Variants in MBTPS1 observed in about 807,000 individuals in gnomAD.
The protein encoded by MBTPS1 is membrane-bound transcription factor site-1 protease.
MBTPS1 carries 94 observed loss-of-function variants against 127.8 expected under a neutral mutation model. The ratio of observed to expected loss-of-function variants is 0.74; its 90% CI spans 0.62 to 0.87. The LOEUF (loss-of-function observed/expected upper bound fraction) is 0.87. Among genes scored for constraint, MBTPS1 ranks in the 40% least tolerant of loss-of-function variants. The pLI is 0.00. For missense variants in MBTPS1, 1,636 were observed against 1,353.2 expected, an observed-to-expected ratio of 1.21 and a Z score of -3.28; for synonymous variants, 632 against 509.4, an observed-to-expected ratio of 1.24 and a Z score of -3.24.
At chr16:84,112,613 G>C (rs1170784616) in intron 1 of MBTPS1, among the ~76,000 whole-genome samples, 1 of 142,666 alleles carries the variant, frequency 7.0e-6, no homozygotes, top group Non-Finnish European at 1.5e-5. Context: ...AGGGAGCTGA[G>C]ATCACGCCAC....
At position 84,099,254 on chromosome 16, in the gene MBTPS1, A is replaced by C. The variant is rs758234394; in HGVS notation, c.220T>G (p.Ser74Ala). Reference sequence around the variant, plus strand: ...ACTTCACTGCTCTTCAGGGCACTTGAAATAAATGAATTTCTAGCTTTGGCT... The same window carrying C: ...ACTTCACTGCTCTTCAGGGCACTTGCAATAAATGAATTTCTAGCTTTGGCT... Reference protein sequence around the residue: ...FTAKARNSFISSALKSSEVDN... With the variant: ...FTAKARNSFIASALKSSEVDN... Residue 74 changes from serine (S) to alanine (A), a missense_variant, in exon 3 of 23, where the codon TCA becomes GCA. Coordinates refer to ENST00000343411, the MANE Select transcript of MBTPS1 (RefSeq NM_003791.4). 1.2e-6 allele frequency: 2 copies of C among 1,614,188 alleles called. No individual in the cohort carries two copies. The highest frequency in any genetic ancestry group is 2.2e-5 in the South Asian group (2 of 91,088).
chr16:84,113,789 T>C (rs1024462774), intron 1 of MBTPS1, among the ~76,000 whole-genome samples: 16 of 152,228 alleles, frequency 1.1e-4, no homozygotes, highest in Admixed American at 9.8e-4. Flanking sequence ...CAAAGGAGAC[T>C]GAATTGTGTT....
intron 1 of MBTPS1, chr16:84,110,656 C>T (rs1009602256): frequency 1.3e-5 from 2 of 152,164 alleles, no homozygotes; most frequent in South Asian, 2.1e-4. Flanking sequence ...CCCAACAACC[C>T]GTTACTACCC....
At chr16:84,076,246 G>A (rs1448497104) in intron 11 of MBTPS1, among the ~76,000 whole-genome samples, 1 of 151,434 alleles carries the variant, frequency 6.6e-6, no homozygotes, top group East Asian at 1.9e-4. Context: ...AAAACGCTCA[G>A]AAAAACAGCA....
chr16:84,096,553 C>A (rs906658415), intron 3 of MBTPS1, among the ~76,000 whole-genome samples: 4 of 152,208 alleles, frequency 2.6e-5, no homozygotes, highest in African/African-American at 9.6e-5. Context: ...TTCCCTTAAC[C>A]TTTCAAAGAC....
chr16:84,070,758 A>C lies in MBTPS1; in HGVS notation c.1612T>G (p.Leu538Val). The change falls in exon 13 of 23, where the codon TTG becomes GTG. Residue 538 changes from leucine (L) to valine (V), a missense_variant. Coordinates refer to ENST00000343411, the MANE Select transcript of MBTPS1 (RefSeq NM_003791.4). Reference protein sequence around the residue: ...IVDKPDWQPYLPQNGDNIEVA... With the variant: ...IVDKPDWQPYVPQNGDNIEVA... ...TCAATGTTGTCTCCGTTCTGTGGCA[A>C]ATAGGGCTGCCAGTCAGGCTGCAGG... The C allele has an allele frequency of 6.2e-7, 1 of 1,610,802 alleles. No homozygotes were observed. Among genetic ancestry groups the C allele is most frequent in the Admixed American group, 1.7e-5 (1 of 59,270 alleles).
chr16:84,090,328 C>G (rs1433716823), intron 8 of MBTPS1, among the ~76,000 whole-genome samples: 1 of 151,626 alleles, frequency 6.6e-6, no homozygotes, highest in East Asian at 1.9e-4. Flanking sequence ...ACAAAGGCCC[C>G]CCTGTGACAC....
At chr16:84,071,053 T>A (rs763330073) in intron 12 of MBTPS1, among the ~76,000 whole-genome samples, 3 of 152,202 alleles carry the variant, frequency 2.0e-5, no homozygotes, top group Admixed American at 6.5e-5. Flanking sequence ...GGAACTTTTG[T>A]CAAAAGTTCT....
At chr16:84,068,993 C>A (rs1049133668) in intron 14 of MBTPS1, among the ~76,000 whole-genome samples, 7 of 152,182 alleles carry the variant, frequency 4.6e-5, no homozygotes, top group African/African-American at 1.7e-4. Flanking sequence ...CCCAGCAGCA[C>A]AGACTCCAGG....
At chr16:84,085,234 A>G in intron 9 of MBTPS1, 100 bp from the exon 10 acceptor site, 1 of 1,195,184 alleles carries the variant, frequency 8.4e-7, no homozygotes, top group Admixed American at 2.1e-5. Context: ...TGGGTTAGTT[A>G]AAAACTGTAT....
chr16:84,083,524 C>G (rs1371087505), intron 10 of MBTPS1, among the ~76,000 whole-genome samples: 2 of 151,968 alleles, frequency 1.3e-5, no homozygotes, highest in African/African-American at 4.8e-5. Context: ...CTACTAGCCT[C>G]AAACAATCCT....
chr16:84,103,907 C>G (rs1361756314), intron 1 of MBTPS1, among the ~76,000 whole-genome samples: 1 of 152,114 alleles, frequency 6.6e-6, no homozygotes, highest in Non-Finnish European at 1.5e-5. Context: ...TCGACAAGAA[C>G]AACAATAACA....
chr16:84,092,753 C>A (rs11149625), intron 6 of MBTPS1, among the ~76,000 whole-genome samples: 35,289 of 152,164 alleles, frequency 0.23, 4,777 homozygotes, highest in East Asian at 0.39. Flanking sequence ...ACTCCCATTA[C>A]CCAACACAAT....
At chr16:84,074,540 C>A in intron 12 of MBTPS1, 57 bp downstream of exon 12, 1 of 1,571,928 alleles carries the variant, frequency 6.4e-7, no homozygotes, top group South Asian at 1.1e-5. Context: ...GCCTAAAGGT[C>A]TGGGCTGTGT....
chr16:84,093,312 G>A lies in MBTPS1; in HGVS notation c.737-15C>T. On this transcript the variant is annotated splice_polypyrimidine_tract_variant and intron_variant, in intron 5 of 22. Transcript: ENST00000343411. ...ATGGCCCAACCCTGCAGTCCATAAA[G>A]AAAACAATCCCATAAAACACACTGA... The A allele has an allele frequency of 6.5e-7, 1 of 1,547,744 alleles. No individual in the cohort carries two copies. The highest frequency in any genetic ancestry group is 2.2e-5 in the East Asian group (1 of 44,612).
chr16:84,087,841 C>T (rs1490301246), intron 8 of MBTPS1, among the ~76,000 whole-genome samples: 4 of 152,216 alleles, frequency 2.6e-5, no homozygotes, highest in African/African-American at 4.8e-5. Flanking sequence ...ATTCTCACAT[C>T]ACTTTCAAAT....
intron 3 of MBTPS1, among the ~76,000 whole-genome samples, chr16:84,097,715 T>C (rs1376410093): frequency 6.6e-6 from 1 of 152,220 alleles, no homozygotes; most frequent in Non-Finnish European, 1.5e-5. Flanking sequence ...CTGGATTATT[T>C]TGAAGTGTTA....
At chr16:84,080,807 A>C (rs1013374308) in intron 11 of MBTPS1, among the ~76,000 whole-genome samples, 14 of 152,080 alleles carry the variant, frequency 9.2e-5, no homozygotes, top group African/African-American at 3.4e-4. Context: ...GCCTATTCCC[A>C]CACCCTTCCC....
At chr16:84,060,195 T>A (rs1484720223) in intron 20 of MBTPS1, 1 of 153,866 alleles carries the variant, frequency 6.5e-6, no homozygotes, top group Non-Finnish European at 1.4e-5. Context: ...GCCCAGGCGA[T>A]CTCAGGCAGT....
Sources: gnomAD v4.1 joint callset for allele counts (sites outside exome capture counted in the v4.1 genomes callset) on GRCh38, gnomAD v4.1.1 for gene constraint, MANE v1.5 for transcripts, NCBI Gene and HGNC (gene_info 2026-07-23, HGNC 2026-07-21) for gene names.